PTK2B: variants seen among roughly 807,000 people sequenced by gnomAD.
PTK2B encodes protein tyrosine kinase 2 beta, also known as protein-tyrosine kinase 2-beta.
In PTK2B, 71 loss-of-function variants were observed where a neutral mutation model predicts 142.9. That is an observed-to-expected ratio of 0.50 (90% CI 0.41 to 0.61). The LOEUF (loss-of-function observed/expected upper bound fraction) is 0.61. Ranked by LOEUF, PTK2B falls within the 20% of genes least tolerant of loss-of-function variation. The probability of loss-of-function intolerance (pLI) is 0.00; values close to 1 mark genes in which losing one functional copy is unlikely to be tolerated. For missense variants in PTK2B, 1,105 were observed against 1,320.4 expected (o/e 0.84, Z 2.53); for synonymous variants, 519 against 503.4 (o/e 1.03, Z -0.42).
Position 27,432,245 on chromosome 8 carries a change from C to T in PTK2B, c.886-15C>T. 6.2e-7 allele frequency: 1 copy of T among 1,613,132 alleles called. No homozygotes were observed. Among genetic ancestry groups the T allele is most frequent in the Non-Finnish European group, 8.5e-7 (1 of 1,179,542 alleles). On this transcript the variant is annotated splice_polypyrimidine_tract_variant and intron_variant, in intron 9 of 30. Transcript: ENST00000346049. ...GTAGTGGGATGGTCTGAAGCTCCCCCTTCTTTTCCCACAGCCCACCTGCCT... is the reference window on the plus strand; with the variant it reads ...GTAGTGGGATGGTCTGAAGCTCCCCTTTCTTTTCCCACAGCCCACCTGCCT...
chr8:27,345,616 C>T (rs1289273046), intron 1 of PTK2B, among the ~76,000 whole-genome samples: 1 of 152,176 alleles, frequency 6.6e-6, no homozygotes, highest in East Asian at 1.9e-4. Context: ...GAAGTACTTG[C>T]CTTCCCCAGC....
At chr8:27,443,755 G>A (rs150320978) in intron 22 of PTK2B, among the ~76,000 whole-genome samples, 64 of 152,282 alleles carry the variant, frequency 4.2e-4, no homozygotes, top group African/African-American at 1.4e-3. Context: ...AACAATGTCT[G>A]ATCCCATCTA....
chr8:27,458,617 C>G lies in PTK2B; in HGVS notation c.*108C>G. ...TTCCAGGGGGAAGGCCAAGGGGAGT[C>G]ACCTTCCCTTGCCACTTTGCACGAC... On this transcript the variant is annotated 3_prime_UTR_variant, in exon 31 of 31. Transcript: ENST00000346049. 1.7e-6 allele frequency: 2 copies of G among 1,175,220 alleles called. No individual in the cohort carries two copies. Among genetic ancestry groups the G allele is most frequent in the Non-Finnish European group, 2.4e-6 (2 of 834,624 alleles). The allele number at this position is 1,175,220 out of a possible 1,614,324, so 72.8% of individuals were successfully genotyped here.
At chr8:27,374,692 G>T (rs1014466849) in intron 1 of PTK2B, among the ~76,000 whole-genome samples, 4 of 152,150 alleles carry the variant, frequency 2.6e-5, no homozygotes, top group African/African-American at 7.2e-5. Flanking sequence ...GCTCTGGATG[G>T]GTTGGTTTGC....
chr8:27,324,759 C>A (rs10095624), upstream of PTK2B, among the ~76,000 whole-genome samples: 112,444 of 151,800 alleles, frequency 0.74, 42,332 homozygotes, highest in African/African-American at 0.81. Context: ...GATGATGCTG[C>A]GTACACTCCA....
At position 27,437,169 on chromosome 8, in the gene PTK2B, C is replaced by T. The variant is rs754888529; in HGVS notation, c.1389C>T (p.Cys463=). Residue 463 remains cysteine (C), a synonymous_variant, in exon 16 of 31, where the codon TGC becomes TGT. Transcript: ENST00000346049. ...NVAVKTCKKD[C]TLDNKEKFMS... is the part of the protein sequence containing the mutation. ...CTGTCAAGACCTGCAAGAAAGACTG[C>T]ACTCTGGACAACAAGGAGAAGTTCA... The T allele has an allele frequency of 1.9e-6, 3 of 1,614,022 alleles. No individual in the cohort carries two copies. The highest frequency in any genetic ancestry group is 1.7e-5 in the Admixed American group (1 of 60,020).
At chr8:27,318,167 G>A (rs539097419) in intron 3 of PTK2B, among the ~76,000 whole-genome samples, 1 of 152,280 alleles carries the variant, frequency 6.6e-6, no homozygotes. Flanking sequence ...GGTTTTGAGG[G>A]CTCTTGCACA....
intron 30 of PTK2B, among the ~76,000 whole-genome samples, chr8:27,456,809 G>A (rs1003113683): frequency 4.6e-5 from 7 of 152,234 alleles, no homozygotes; most frequent in Non-Finnish European, 1.0e-4. Context: ...TTGCTGATAT[G>A]GAGAAAGTTG....
intron 1 of PTK2B, among the ~76,000 whole-genome samples, chr8:27,354,128 A>G (rs960213549): frequency 2.0e-5 from 3 of 152,206 alleles, no homozygotes; most frequent in Non-Finnish European, 4.4e-5. Context: ...AACTTGTGCC[A>G]AAAGAAAGGA....
In PTK2B at chr8:27,434,130, G is replaced by C; in HGVS notation, c.1143G>C (p.Met381Ile). 6.2e-7 allele frequency: 1 copy of C among 1,613,936 alleles called. No homozygotes were observed. Residue 381 changes from methionine to isoleucine, a missense_variant and splice_region_variant, in exon 12 of 31, where the codon ATG becomes ATC. By Grantham distance (10) the Met-to-Ile change is conservative (BLOSUM62 1). Transcript: ENST00000346049. ...EKRNSLPQIP[M>I]LNLEARRSHL... ...GGAACAGCCTGCCCCAGATCCCCAT[G>C]CTGTGAGTACAATGGGGTGCAGAGG... is the stretch of plus-strand genomic sequence containing the variant.
intron 1 of PTK2B, among the ~76,000 whole-genome samples, chr8:27,375,787 T>A (rs1451913802): frequency 6.6e-6 from 1 of 152,180 alleles, no homozygotes; most frequent in African/African-American, 2.4e-5. Context: ...CCATGTCCAC[T>A]TATGTCTGGT....
chr8:27,333,998 A>G (rs1445633280), intron 1 of PTK2B, among the ~76,000 whole-genome samples: 1 of 151,588 alleles, frequency 6.6e-6, no homozygotes, highest in East Asian at 1.9e-4. Context: ...TCTCCTCTTC[A>G]TGGGGTTGTT....
rs76095308 is a variant in PTK2B, at chr8:27,427,506, C to G, written c.552-2587C>G. 7.7e-4 allele frequency among the ~76,000 whole-genome samples: 117 copies of G among 152,330 alleles called. 1 individual carries two copies. In the East Asian group the frequency reaches 0.019, roughly 25 times the overall value. On this transcript the variant is annotated intron_variant, in intron 5 of 30. Transcript: ENST00000346049. ...AATGGATAACTGAAAGAACTGAAAT[C>G]TTCTTCCTCAGTGGACCTTTGCCAA... is the stretch of plus-strand genomic sequence containing the variant.
chr8:27,399,031 C>A, intron 2 of PTK2B, among the ~76,000 whole-genome samples: 1 of 152,148 alleles, frequency 6.6e-6, no homozygotes, highest in South Asian at 2.1e-4. Context: ...GAGAGTAAGC[C>A]CTGGTCATCT....
chr8:27,358,192 G>C (rs1314436203), intron 1 of PTK2B, among the ~76,000 whole-genome samples: 2 of 152,172 alleles, frequency 1.3e-5, no homozygotes, highest in African/African-American at 2.4e-5. Context: ...GGCAGCACAG[G>C]GCTGTGGATA....
chr8:27,372,833 A>G (rs1358521033), intron 1 of PTK2B, among the ~76,000 whole-genome samples: 3 of 152,180 alleles, frequency 2.0e-5, no homozygotes, highest in African/African-American at 4.8e-5. Flanking sequence ...ATCCAGTCCA[A>G]AGATGTGTTT....
chr8:27,405,145 A>G (rs1345825949), intron 2 of PTK2B, among the ~76,000 whole-genome samples: 2 of 151,398 alleles, frequency 1.3e-5, no homozygotes, highest in Non-Finnish European at 2.9e-5. Flanking sequence ...AATCTGCTGT[A>G]CCTTGATCTT....
chr8:27,353,535 A>G (rs1805220023), intron 1 of PTK2B, among the ~76,000 whole-genome samples: 1 of 149,798 alleles, frequency 6.7e-6, no homozygotes, highest in Admixed American at 6.8e-5. Context: ...TAACTCATTC[A>G]CTCATGCATG....
intron 1 of PTK2B, among the ~76,000 whole-genome samples, chr8:27,359,220 A>G (rs957805320): frequency 6.6e-5 from 10 of 152,128 alleles, no homozygotes; most frequent in African/African-American, 2.4e-4. Flanking sequence ...GGTTCAAGTA[A>G]TTCTCCTGCC....
Sources: gnomAD v4.1 joint callset for allele counts (sites outside exome capture counted in the v4.1 genomes callset) on GRCh38, gnomAD v4.1.1 for gene constraint, MANE v1.5 for transcripts, NCBI Gene and HGNC (gene_info 2026-07-23, HGNC 2026-07-21) for gene names.